DAB1: variants seen among roughly 807,000 people sequenced by gnomAD.
DAB1 encodes the protein DAB adaptor protein 1.
A neutral mutation model predicts 64.6 loss-of-function variants in DAB1; 15 were observed. The observed-to-expected ratio is 0.23, with a 90% confidence interval of 0.16 to 0.36. DAB1 has a LOEUF of 0.36. DAB1 is among the 10% of genes least tolerant of loss of function. DAB1 has a pLI of 1.00. For synonymous variants in DAB1, 235 were observed against 251.9 expected (o/e 0.93, Z 0.64); for missense variants, 596 against 706.7 (o/e 0.84, Z 1.78).
chr1:57,746,175 T>C (rs1485266902), intron 6 of DAB1, among the ~76,000 whole-genome samples: 1 of 152,204 alleles, frequency 6.6e-6, no homozygotes, highest in Non-Finnish European at 1.5e-5. Flanking sequence ...CACATGTCCA[T>C]AATATTCTCT....
chr1:58,530,699 C>A (rs1290038688), intron 1 of DAB1: 4 of 872,612 alleles, frequency 4.6e-6, no homozygotes, highest in South Asian at 2.6e-5. Context: ...CCTAGGAAAT[C>A]CAACAAATGA....
intron 7 of DAB1, among the ~76,000 whole-genome samples, chr1:57,646,067 C>T (rs1359609811): frequency 1.3e-5 from 2 of 152,126 alleles, no homozygotes; most frequent in African/African-American, 4.8e-5. Context: ...AGCAAGAAAA[C>T]ATTTTTCTGT....
At chr1:58,198,777 A>C (rs1454274941) in intron 4 of DAB1, among the ~76,000 whole-genome samples, 1 of 152,180 alleles carries the variant, frequency 6.6e-6, no homozygotes, top group African/African-American at 2.4e-5. Flanking sequence ...GAAAATCAAA[A>C]GCTCTCTTAT....
intron 3 of DAB1, among the ~76,000 whole-genome samples, chr1:58,469,158 G>A (rs555854464): frequency 6.6e-6 from 1 of 152,300 alleles, no homozygotes; most frequent in Admixed American, 6.5e-5. Flanking sequence ...GAGCTCTGCT[G>A]CCAGGAATCT....
chr1:58,248,579 A>G (rs1466476252), intron 4 of DAB1, among the ~76,000 whole-genome samples: 1 of 152,130 alleles, frequency 6.6e-6, no homozygotes, highest in Non-Finnish European at 1.5e-5. Flanking sequence ...CATCAAACGT[A>G]CAAGCAGATA....
Position 58,354,308 on chromosome 1 carries a change from G to A in DAB1, n.258-10905C>T, listed in dbSNP as rs115072706. On this transcript the variant is annotated intron_variant and non_coding_transcript_variant, in intron 3 of 20. Coordinates refer to the DAB1 transcript ENST00000485760. The stretch of plus-strand genomic sequence containing the variant: ...AATGACACTTGGGACACATCAACAC[G>A]GGCTAAGGTCCCATTCCTTGTAACA... Among the ~76,000 whole-genome samples the A allele has an allele frequency of 9.3e-3, 1,408 of 152,200 alleles. 21 individuals carry two copies. Among genetic ancestry groups the A allele is most frequent in the African/African-American group, 0.032 (1,326 of 41,518 alleles).
At chr1:57,155,931 T>C (rs1660177929) in intron 2 of DAB1, among the ~76,000 whole-genome samples, 2 of 152,082 alleles carry the variant, frequency 1.3e-5, no homozygotes, top group African/African-American at 2.4e-5. Context: ...AGTTGTTAGG[T>C]TTTTCCAAAT....
At chr1:58,153,976 T>C (rs1032566568) in intron 4 of DAB1, among the ~76,000 whole-genome samples, 2 of 151,434 alleles carry the variant, frequency 1.3e-5, no homozygotes, top group East Asian at 1.9e-4. Flanking sequence ...CCAAAATCTA[T>C]ATCCTATCTA....
At position 57,991,801 on chromosome 1, in the gene DAB1, A is replaced by G. The variant is rs148230503; in HGVS notation, n.388-107639T>C. 7.0e-3 allele frequency among the ~76,000 whole-genome samples: 992 copies of G among 141,020 alleles called. 13 individuals are homozygous for G. The highest frequency in any genetic ancestry group is 0.025 in the African/African-American group (946 of 38,436). The allele number at this position is 141,020 out of a possible 152,430, so 92.5% of individuals were successfully genotyped here. A position where few individuals can be genotyped will look rare whatever the true frequency, so the allele number is the denominator to read the frequency against. On this transcript the variant is annotated intron_variant and non_coding_transcript_variant, in intron 5 of 20. Coordinates refer to the DAB1 transcript ENST00000485760. ...GCGAAGGCTGCAGTGAGCTGAGATC[A>G]TATCACTGCACTCCAGCCTGGGCAA... is the stretch of plus-strand genomic sequence containing the variant.
At chr1:57,491,927 G>A (rs551735210) in intron 7 of DAB1, among the ~76,000 whole-genome samples, 24 of 152,266 alleles carry the variant, frequency 1.6e-4, no homozygotes, top group African/African-American at 4.8e-4. Context: ...GGAAGGGAGC[G>A]GTAGTCTAGG....
chr1:58,092,332 C>CAA (rs34905465), intron 5 of DAB1, among the ~76,000 whole-genome samples: 31 of 128,332 alleles, frequency 2.4e-4, no homozygotes, highest in African/African-American at 7.7e-4. Context: ...GACTCCGTCT[C>CAA]AAAAAAAAAA....
intron 6 of DAB1, among the ~76,000 whole-genome samples, chr1:57,728,711 T>C (rs1470276717): frequency 1.3e-5 from 2 of 152,200 alleles, no homozygotes; most frequent in Non-Finnish European, 1.5e-5. Flanking sequence ...AGAATCTATA[T>C]ATCTTCCTGT....
chr1:57,537,114 A>T (rs1206454355), intron 7 of DAB1, among the ~76,000 whole-genome samples: 1 of 152,256 alleles, frequency 6.6e-6, no homozygotes, highest in Admixed American at 6.5e-5. Flanking sequence ...GTTAGATAAA[A>T]TACGTCATTC....
At chr1:57,666,485 T>G (rs983377391) in intron 6 of DAB1, among the ~76,000 whole-genome samples, 2 of 152,096 alleles carry the variant, frequency 1.3e-5, no homozygotes, top group Non-Finnish European at 2.9e-5. Flanking sequence ...GTGAGAGAGA[T>G]ATGCAGGTGG....
intron 5 of DAB1, among the ~76,000 whole-genome samples, chr1:58,039,949 A>C (rs1292593224): frequency 2.0e-5 from 3 of 152,188 alleles, no homozygotes; most frequent in African/African-American, 7.2e-5. Flanking sequence ...AAAGAGGAAC[A>C]GTGCTAGCAA....
chr1:57,274,199 A>G (rs1671273108), intron 2 of DAB1, among the ~76,000 whole-genome samples: 1 of 152,242 alleles, frequency 6.6e-6, no homozygotes, highest in Non-Finnish European at 1.5e-5. Context: ...TCTGTTAAAA[A>G]TTAAAACTCA....
In DAB1 at chr1:57,637,245, G is replaced by A. The variant is rs557748248; in HGVS notation, n.625+12347C>T. Among the ~76,000 whole-genome samples the A allele has an allele frequency of 2.8e-4, 42 of 152,286 alleles. No individual in the cohort carries two copies. The South Asian group carries it at 8.7e-3, about 32-fold the overall frequency. ...TATCACCTATGTCATACTTAACTAT[G>A]TGTTGGGAATTGTGCAAGCAACTGG... is the stretch of plus-strand genomic sequence containing the variant. On this transcript the variant is annotated intron_variant and non_coding_transcript_variant, in intron 7 of 20. Coordinates refer to the DAB1 transcript ENST00000485760.
At chr1:57,392,190 T>G (rs1023090014) in intron 1 of DAB1, among the ~76,000 whole-genome samples, 5 of 152,084 alleles carry the variant, frequency 3.3e-5, no homozygotes, top group Non-Finnish European at 5.9e-5. Flanking sequence ...ATGGCCAATA[T>G]GATGAAACTC....
In DAB1 at chr1:57,015,004, C is replaced by A; in HGVS notation, c.1323G>T (p.Glu441Asp). 6.2e-7 allele frequency: 1 copy of A among 1,614,148 alleles called. No individual in the cohort carries two copies. ...PDQPSLTCTSEAFSSYFNKVG... is the reference protein window; with the variant it reads ...PDQPSLTCTSDAFSSYFNKVG... ...CTTTGTTGAAGTAACTGGAGAAGGC[C>A]TCTGAGGTACAGGTGAGGGAGGGCT... The change falls in exon 12 of 15, where the codon GAG becomes GAT. Residue 441 changes from glutamate (E) to aspartate (D), a missense_variant. Glu to Asp is a conservative substitution (Grantham distance 45). Around this residue, in one of 3 missense-constraint regions of DAB1, gnomAD observed 377 missense variants for 400.4 expected, o/e 0.94. Transcript: ENST00000371236.
Sources: allele counts gnomAD v4.1 joint callset (sites outside exome capture counted in the v4.1 genomes callset), GRCh38; gene constraint gnomAD v4.1.1; regional missense constraint gnomAD v4.1.1; transcripts MANE v1.5; gene names NCBI Gene and HGNC (gene_info 2026-07-23, HGNC 2026-07-21).